ABHD2: variants seen among roughly 807,000 people sequenced by gnomAD.
The protein encoded by ABHD2 is monoacylglycerol lipase ABHD2.
A neutral mutation model predicts 48.1 loss-of-function variants in ABHD2; 20 were observed. The ratio of observed to expected loss-of-function variants is 0.42; its 90% CI spans 0.29 to 0.60. The LOEUF is 0.60. Among genes scored for constraint, ABHD2 ranks in the 20% least tolerant of loss-of-function variants. The pLI is 0.24. For missense variants in ABHD2, 405 were observed against 550.9 expected, an observed-to-expected ratio of 0.74 and a Z score of 2.65; for synonymous variants, 209 against 214.2, an observed-to-expected ratio of 0.98 and a Z score of 0.21.
chr15:89,192,373 A>G (rs1323829143), intron 9 of ABHD2, among the ~76,000 whole-genome samples: 1 of 152,226 alleles, frequency 6.6e-6, no homozygotes, highest in East Asian at 1.9e-4. Context: ...TCTCCCTATC[A>G]GTACCATCTC....
At chr15:89,136,557 C>A in intron 3 of ABHD2, 1 of 244,332 alleles carries the variant, frequency 4.1e-6, no homozygotes, top group South Asian at 2.9e-5. Context: ...CTCTCACTTG[C>A]CCCAGTGCTA....
chr15:89,048,060 C>T, the ABHD2 span, among the ~76,000 whole-genome samples: 66 of 151,754 alleles, frequency 4.3e-4, no homozygotes, highest in African/African-American at 1.3e-3. Context: ...CCATGTTTAG[C>T]GCTTCCTTCA....
chr15:89,065,777 A>G, the ABHD2 span, among the ~76,000 whole-genome samples: 1 of 152,078 alleles, frequency 6.6e-6, no homozygotes, highest in Non-Finnish European at 1.5e-5. Flanking sequence ...GAAGCCCCCC[A>G]TGATATAGAA....
chr15:89,056,346 T>C, the ABHD2 span, among the ~76,000 whole-genome samples: 3 of 152,192 alleles, frequency 2.0e-5, no homozygotes. Flanking sequence ...ATTTTGCAAC[T>C]TGAATGACAC....
At chr15:89,107,111 G>C (rs1315399160) in intron 1 of ABHD2, among the ~76,000 whole-genome samples, 19 of 152,150 alleles carry the variant, frequency 1.2e-4, no homozygotes. Flanking sequence ...AGAATGGGTA[G>C]TCTTTCCATG....
rs1400750210 is a variant in ABHD2, at chr15:89,155,171, C to A, written c.371-196C>A. 6.6e-6 allele frequency among the ~76,000 whole-genome samples: 1 copy of A among 152,068 alleles called. No homozygotes were observed. The highest frequency in any genetic ancestry group is 1.5e-5 in the Non-Finnish European group (1 of 68,012). ...CTTACTGGACATTTTCAAAACAAAC[C>A]CTTCACTATAAATAGCTTGAGAAGC... is the stretch of plus-strand genomic sequence containing the variant. On this transcript the variant is annotated intron_variant, in intron 4 of 10. Coordinates refer to ENST00000352732, the MANE Select transcript of ABHD2 (RefSeq NM_152924.5). The surrounding 1 kb of genome is among the most constrained non-coding windows in gnomAD (Gnocchi z 4.9).
rs980533006 is a variant in ABHD2 at position 89,172,408 on chromosome 15, A to G, written c.539-3404A>G. Among the ~76,000 whole-genome samples, 7 of 152,368 alleles carry G rather than the reference A, an allele frequency of 4.6e-5. No homozygotes were observed. In the South Asian group the frequency reaches 1.2e-3, roughly 27 times the overall value. On this transcript the variant is annotated intron_variant, in intron 5 of 10. Transcript: ENST00000352732. ...TTGTGAGTGGTTTACTTCATGTAGCATAATGTCCTCAAGGTTCTTCCATGC... is the reference window on the plus strand; with the variant it reads ...TTGTGAGTGGTTTACTTCATGTAGCGTAATGTCCTCAAGGTTCTTCCATGC...
chr15:89,042,811 T>G, the ABHD2 span, among the ~76,000 whole-genome samples: 1 of 151,410 alleles, frequency 6.6e-6, no homozygotes. Context: ...AAAGCCTGGC[T>G]AATTTTTTTT....
Position 89,102,613 on chromosome 15 carries a change from A to G in ABHD2, c.-106-11112A>G, listed in dbSNP as rs1247461198. 6.6e-6 allele frequency: 1 copy of G among 152,186 alleles called. No homozygotes were observed. The allele number at this position is 152,186 out of a possible 1,614,324, so 9.4% of individuals were successfully genotyped here. A position where few individuals can be genotyped will look rare whatever the true frequency, so the allele number is the denominator to read the frequency against. ...AATTTTCTTTCCTAATCTCAGAGTA[A>G]TATTTCTGCCATTTTTTATGAAACC... On this transcript the variant is annotated intron_variant, in intron 1 of 10. Coordinates refer to ENST00000352732, the MANE Select transcript of ABHD2 (RefSeq NM_152924.5). This position sits in a 1 kb window ranked among gnomAD's most constrained non-coding sequence, Gnocchi z 4.8.
At chr15:89,165,676 T>G (rs2050828025) in intron 5 of ABHD2, among the ~76,000 whole-genome samples, 1 of 152,150 alleles carries the variant, frequency 6.6e-6, no homozygotes, top group South Asian at 2.1e-4. Flanking sequence ...CAATAACACT[T>G]GGAAATCAAG....
At chr15:89,144,281 G>A (rs1023058500) in intron 3 of ABHD2, among the ~76,000 whole-genome samples, 1 of 152,090 alleles carries the variant, frequency 6.6e-6, no homozygotes, top group Non-Finnish European at 1.5e-5. Flanking sequence ...TTACAGGTGT[G>A]TGCCACCATG....
chr15:89,145,164 C>G (rs142730067), intron 3 of ABHD2, among the ~76,000 whole-genome samples: 8,532 of 152,120 alleles, frequency 0.056, 848 homozygotes, highest in African/African-American at 0.2. Context: ...GCTGAAGCAG[C>G]AGAATCACTT....
At chr15:89,080,963 A>G in the ABHD2 span, among the ~76,000 whole-genome samples, 4 of 149,926 alleles carry the variant, frequency 2.7e-5, no homozygotes, top group Non-Finnish European at 5.9e-5. Context: ...AGTATCATCC[A>G]TATTGCAGCA....
At chr15:89,062,046 G>A in the ABHD2 span, among the ~76,000 whole-genome samples, 1 of 152,126 alleles carries the variant, frequency 6.6e-6, no homozygotes, top group African/African-American at 2.4e-5. Flanking sequence ...TCAAGGAACT[G>A]GAGCAGGCAG....
In ABHD2 at chr15:89,135,143, C is replaced by CTTTTCTTTTTTTTTTTTT. The variant is rs1555429068; in HGVS notation, c.195-16530_195-16529insCTTTTTTTTTTTTTTTTT. Among the ~76,000 whole-genome samples, 4 of 112,170 alleles carry CTTTTCTTTTTTTTTTTTT rather than the reference C, an allele frequency of 3.6e-5. 2 individuals are homozygous for CTTTTCTTTTTTTTTTTTT. Among genetic ancestry groups the CTTTTCTTTTTTTTTTTTT allele is most frequent in the Non-Finnish European group, 7.6e-5 (4 of 52,888 alleles). The allele number at this position is 112,170 out of a possible 152,430, so 73.6% of individuals were successfully genotyped here. A position where few individuals can be genotyped will look rare whatever the true frequency, so the allele number is the denominator to read the frequency against. Reference sequence around the variant, plus strand: ...GTCAACAAAATGGCTACAACTTTTTCTTTTTTTTTTTTTTTTTTGCAATTA... The same window carrying CTTTTCTTTTTTTTTTTTT: ...GTCAACAAAATGGCTACAACTTTTTCTTTTCTTTTTTTTTTTTTTTTTTTTTTTTTTTTTTTGCAATTA... On this transcript the variant is annotated intron_variant, in intron 3 of 10. Transcript: ENST00000352732.
the ABHD2 span, among the ~76,000 whole-genome samples, chr15:89,050,256 C>A: frequency 6.6e-6 from 1 of 152,146 alleles, no homozygotes; most frequent in African/African-American, 2.4e-5. Context: ...AGAAGAGTGT[C>A]ATGGGGCGGG....
At chr15:89,158,482 G>A (rs1374344344) in intron 5 of ABHD2, among the ~76,000 whole-genome samples, 2 of 152,192 alleles carry the variant, frequency 1.3e-5, no homozygotes, top group Non-Finnish European at 2.9e-5. Flanking sequence ...AATAGGTTAA[G>A]TGCAGGCCTT....
the ABHD2 span, among the ~76,000 whole-genome samples, chr15:89,062,896 T>G: frequency 2.0e-5 from 3 of 152,088 alleles, no homozygotes; most frequent in East Asian, 5.8e-4. Context: ...GAGAATAACT[T>G]CCTTTTCATT....
At chr15:89,119,939 C>G (rs1399924388) in intron 3 of ABHD2, among the ~76,000 whole-genome samples, 2 of 152,196 alleles carry the variant, frequency 1.3e-5, no homozygotes, top group Non-Finnish European at 2.9e-5. Flanking sequence ...GCAGCCTTCA[C>G]AAGCACTCGC....
Sources: gnomAD v4.1 joint callset for allele counts (sites outside exome capture counted in the v4.1 genomes callset) on GRCh38, gnomAD v4.1.1 for gene constraint, Gnocchi (gnomAD v3.1) non-coding constraint, MANE v1.5 for transcripts, NCBI Gene and HGNC (gene_info 2026-07-23, HGNC 2026-07-21) for gene names.